Variants in SCIMP observed in about 807,000 individuals in gnomAD.
SCIMP encodes the protein SLP adapter and CSK-interacting membrane protein.
In SCIMP, 18 loss-of-function variants were observed where a neutral mutation model predicts 22.0. That is an observed-to-expected ratio of 0.82 (90% CI 0.56 to 1.21). SCIMP has a LOEUF of 1.21. Among genes scored for constraint, SCIMP ranks in the 50% most tolerant of loss-of-function variants. The pLI, the probability that SCIMP is intolerant of heterozygous loss-of-function variation, is 0.00. For synonymous variants in SCIMP, 53 were observed against 62.2 expected (o/e 0.85, Z 0.70); for missense variants, 155 against 171.2 (o/e 0.91, Z 0.53).
chr17:5,230,822 C>T (rs2074688095), intron 1 of SCIMP, among the ~76,000 whole-genome samples: 1 of 152,082 alleles, frequency 6.6e-6, no homozygotes, highest in South Asian at 2.1e-4. Flanking sequence ...TGCCTGTAGT[C>T]CCAGATACTC....
chr17:5,224,482 A>G (rs2074633048), intron 1 of SCIMP, among the ~76,000 whole-genome samples: 1 of 149,018 alleles, frequency 6.7e-6, no homozygotes, highest in Non-Finnish European at 1.5e-5. Flanking sequence ...TTGTTTTTTG[A>G]GACAGAGGCT....
chr17:5,227,681 C>G (rs1360223540), intron 1 of SCIMP, among the ~76,000 whole-genome samples: 2 of 152,144 alleles, frequency 1.3e-5, no homozygotes, highest in African/African-American at 4.8e-5. Flanking sequence ...TGGGAGGGGT[C>G]CGGCTTGAGC....
chr17:5,215,170 G>C (rs1478223573), intron 3 of SCIMP, 172 bp from the exon 4 acceptor site: 1 of 546,906 alleles, frequency 1.8e-6, no homozygotes, highest in African/African-American at 1.9e-5. Context: ...TTTGTAATTG[G>C]CACCCTAATG....
rs1370506085 is a variant in SCIMP at position 5,209,666 on chromosome 17, C to G, written c.*1135G>C. ...TGAGTATAGTTAGAATGAGTCAAGT[C>G]CTAGGGCTCTGGCGATCAGCTAGAA... On this transcript the variant is annotated 3_prime_UTR_variant, in exon 5 of 5. Transcript: ENST00000574081. 1 of 152,146 alleles carries G rather than the reference C, an allele frequency of 6.6e-6. No individual in the cohort carries two copies. The highest frequency in any genetic ancestry group is 1.5e-5 in the Non-Finnish European group (1 of 68,040). 9.4% of individuals were successfully genotyped at this position (152,146 alleles called of 1,614,324 possible). A position where few individuals can be genotyped will look rare whatever the true frequency, so the allele number is the denominator to read the frequency against.
In SCIMP at chr17:5,210,846, A is replaced by G. The variant is rs1420296068; in HGVS notation, c.393T>C (p.Tyr131=). The change falls in exon 5 of 5, where the codon TAT becomes TAC. Residue 131 remains tyrosine (Y), a synonymous_variant. Coordinates refer to ENST00000574081, the MANE Select transcript of SCIMP (RefSeq NM_207103.3). ...TATTTGCAGGGATTTCAACATCGTC[A>G]TAGTCATCTTCAGGCTCAATGTAGC... ...IPSYIEPEDD[Y]DDVEIPANTE... is the part of the protein sequence containing the mutation. 1.9e-6 allele frequency: 3 copies of G among 1,612,964 alleles called. No individual in the cohort carries two copies. The highest frequency in any genetic ancestry group is 2.2e-5 in the East Asian group (1 of 44,892).
intron 3 of SCIMP, among the ~76,000 whole-genome samples, chr17:5,217,380 TTGTGTG>T (rs10554192): frequency 0.11 from 17,021 of 148,964 alleles, 1,065 homozygotes; most frequent in Non-Finnish European, 0.13. Flanking sequence ...TTTTGTTTGC[TTGTGTG>T]TGTGTGTGTG....
chr17:5,221,194 C>T, intron 3 of SCIMP, 93 bp downstream of exon 3: 1 of 914,298 alleles, frequency 1.1e-6, no homozygotes, highest in Non-Finnish European at 1.8e-6. Flanking sequence ...ATGCGGATGT[C>T]TCAGTCATAC....
At chr17:5,212,830 G>T (rs938482148) in intron 4 of SCIMP, among the ~76,000 whole-genome samples, 3 of 152,174 alleles carry the variant, frequency 2.0e-5, no homozygotes, top group African/African-American at 7.2e-5. Flanking sequence ...CTAGGTAGTG[G>T]ATAAATATTA....
chr17:5,215,796 C>A (rs532509463), intron 3 of SCIMP, among the ~76,000 whole-genome samples: 1 of 152,238 alleles, frequency 6.6e-6, no homozygotes, highest in African/African-American at 2.4e-5. Flanking sequence ...CTGAATTGGA[C>A]ACGACCTGTA....
At chr17:5,221,752 T>G (rs1456908823) in intron 2 of SCIMP, among the ~76,000 whole-genome samples, 1 of 152,202 alleles carries the variant, frequency 6.6e-6, no homozygotes, top group African/African-American at 2.4e-5. Context: ...GGGTCATTCC[T>G]TTGTCCATAT....
chr17:5,234,408 C>T lies in SCIMP; in HGVS notation c.21+327G>A, dbSNP rs187101872. ...CGGCATCCAGAAAGTGAGAGTAACT[C>T]GTTACAGTTGAGACCTCTCACTCCC... is the stretch of plus-strand genomic sequence containing the variant. On this transcript the variant is annotated intron_variant, in intron 1 of 4. Coordinates refer to ENST00000574081, the MANE Select transcript of SCIMP (RefSeq NM_207103.3). Among the ~76,000 whole-genome samples, 9 of 151,632 alleles carry T rather than the reference C, an allele frequency of 5.9e-5. No homozygotes were observed. In the East Asian group the frequency reaches 1.4e-3, roughly 23 times the overall value.
rs543462677 is a variant in SCIMP, at chr17:5,220,582, C to T, written c.209+705G>A. ...TGAAACCCCGTCTCTACTAAAAATA[C>T]AAAATACAAAAAGTAGCTGGGTATG... On this transcript the variant is annotated intron_variant, in intron 3 of 4. Transcript: ENST00000574081. Among the ~76,000 whole-genome samples the T allele has an allele frequency of 8.3e-4, 126 of 151,374 alleles. 1 individual carries two copies. The highest frequency in any genetic ancestry group is 1.6e-4 in the Non-Finnish European group (11 of 67,896).
intron 1 of SCIMP, among the ~76,000 whole-genome samples, chr17:5,232,971 C>G (rs1464463869): frequency 6.6e-6 from 1 of 152,118 alleles, no homozygotes; most frequent in East Asian, 1.9e-4. Flanking sequence ...CTCGGCCTCC[C>G]AAAGTGCTGG....
intron 1 of SCIMP, chr17:5,223,670 C>T (rs1179151999): frequency 2.1e-6 from 1 of 482,652 alleles, no homozygotes; most frequent in Non-Finnish European, 3.8e-6. Context: ...CTGCCTCAGC[C>T]TCCAGAGTAA....
rs748936501 is a variant in SCIMP, at chr17:5,232,871, G to A, written c.21+1864C>T. ...ATTACCGACACGCACCACCATACCC[G>A]GCTAATTTTTGTGTATTTTTAGTAG... On this transcript the variant is annotated intron_variant, in intron 1 of 4. Coordinates refer to ENST00000574081, the MANE Select transcript of SCIMP (RefSeq NM_207103.3). Among the ~76,000 whole-genome samples, 14 of 152,086 alleles carry A rather than the reference G, an allele frequency of 9.2e-5. 1 individual carries two copies. Among genetic ancestry groups the A allele is most frequent in the South Asian group, 6.2e-4 (3 of 4,812 alleles).
chr17:5,225,052 T>G (rs1243813856), intron 1 of SCIMP, among the ~76,000 whole-genome samples: 1 of 152,128 alleles, frequency 6.6e-6, no homozygotes, highest in Non-Finnish European at 1.5e-5. Context: ...GTTAGGAAGC[T>G]CCCATAGTGG....
At chr17:5,218,009 A>G (rs1472538736) in intron 3 of SCIMP, among the ~76,000 whole-genome samples, 1 of 151,842 alleles carries the variant, frequency 6.6e-6, no homozygotes, top group African/African-American at 2.4e-5. Flanking sequence ...CAATGGTTGA[A>G]CTAGTTTACC....
chr17:5,224,194 G>A (rs2074630145), intron 1 of SCIMP, among the ~76,000 whole-genome samples: 1 of 152,140 alleles, frequency 6.6e-6, no homozygotes, highest in South Asian at 2.1e-4. Flanking sequence ...GAGTGCAGTG[G>A]CGCGATCTGG....
intron 1 of SCIMP, among the ~76,000 whole-genome samples, chr17:5,226,619 C>T (rs150151874): frequency 5.3e-4 from 80 of 151,506 alleles, no homozygotes; most frequent in Admixed American, 2.8e-3. Flanking sequence ...GATTCTTCTG[C>T]CTCAGCCTCT....
Sources: allele counts gnomAD v4.1 joint callset (sites outside exome capture counted in the v4.1 genomes callset), GRCh38; gene constraint gnomAD v4.1.1; transcripts MANE v1.5; gene names NCBI Gene and HGNC (gene_info 2026-07-23, HGNC 2026-07-21).